PPM1L: variants seen among roughly 807,000 people sequenced by gnomAD.
The protein encoded by PPM1L is protein phosphatase 1L.
A neutral mutation model predicts 31.4 loss-of-function variants in PPM1L; 13 were observed. The ratio of observed to expected loss-of-function variants is 0.41; its 90% CI spans 0.27 to 0.66. The LOEUF (loss-of-function observed/expected upper bound fraction) is 0.66. PPM1L is among the 30% of genes least tolerant of loss of function. The pLI is 0.29. For synonymous variants in PPM1L, 184 were observed against 175.4 expected, an observed-to-expected ratio of 1.05 and a Z score of -0.39; for missense variants, 326 against 453.7, an observed-to-expected ratio of 0.72 and a Z score of 2.56.
intron 2 of PPM1L, among the ~76,000 whole-genome samples, chr3:160,970,814 C>T (rs1234776808): frequency 4.9e-5 from 2 of 40,762 alleles, no homozygotes; most frequent in African/African-American, 8.3e-5. Context: ...TTTTTTGAGA[C>T]GGAGTCTCGC....
intron 1 of PPM1L, among the ~76,000 whole-genome samples, chr3:160,768,132 G>T (rs1715159891): frequency 6.6e-6 from 1 of 152,070 alleles, no homozygotes; most frequent in South Asian, 2.1e-4. Flanking sequence ...TTTTACTTCT[G>T]GTTTATTTGA....
chr3:160,823,103 A>G (rs1014597370), intron 1 of PPM1L, among the ~76,000 whole-genome samples: 3 of 152,032 alleles, frequency 2.0e-5, no homozygotes, highest in African/African-American at 7.2e-5. Flanking sequence ...TACATAAATT[A>G]TTATGCATAA....
chr3:160,975,087 G>A lies in PPM1L; in HGVS notation c.574+13177G>A, dbSNP rs62280335. Among the ~76,000 whole-genome samples the A allele has an allele frequency of 5.4e-3, 817 of 151,132 alleles. 7 individuals are homozygous for A. Among genetic ancestry groups the A allele is most frequent in the Non-Finnish European group, 8.2e-3 (551 of 67,604 alleles). ...AAGGGATCCAGTTTCAGCTTTCTAC[G>A]TATGGCTAGCCAGTTTTCCCAGCAC... On this transcript the variant is annotated intron_variant, in intron 2 of 3. Transcript: ENST00000498165.
At chr3:160,970,787 ATT>A (rs71628437) in intron 2 of PPM1L, among the ~76,000 whole-genome samples, 4 of 97,186 alleles carry the variant, frequency 4.1e-5, no homozygotes, top group South Asian at 3.2e-4. Flanking sequence ...TTCAGTTATA[ATT>A]TTTTTTTTTT....
At chr3:160,854,435 G>C (rs1158878467) in intron 1 of PPM1L, among the ~76,000 whole-genome samples, 2 of 152,156 alleles carry the variant, frequency 1.3e-5, no homozygotes, top group African/African-American at 2.4e-5. Flanking sequence ...GAACAGTGAA[G>C]GATAAGGGTG....
chr3:161,059,800 T>A (rs1559940658), intron 2 of PPM1L, among the ~76,000 whole-genome samples: 1 of 152,040 alleles, frequency 6.6e-6, no homozygotes, highest in African/African-American at 2.4e-5. Context: ...AGTGAGTTCT[T>A]GTGAGATCTG....
rs533558682 is a variant in PPM1L, at chr3:160,862,803, A to G, written c.400-98933A>G. On this transcript the variant is annotated intron_variant, in intron 1 of 3. Coordinates refer to ENST00000498165, the MANE Select transcript of PPM1L (RefSeq NM_139245.4). ...TCATATTTAGGAGAGTAGGGGGGAA[A>G]AAAGCTTTAATAAAGTGGCAGCAGA... is the stretch of plus-strand genomic sequence containing the variant. Among the ~76,000 whole-genome samples the G allele has an allele frequency of 2.0e-5, 3 of 152,256 alleles. No homozygotes were observed. The South Asian group carries it at 6.2e-4, about 32-fold the overall frequency.
chr3:160,846,833 C>T (rs1714092145), intron 1 of PPM1L, among the ~76,000 whole-genome samples: 1 of 152,052 alleles, frequency 6.6e-6, no homozygotes, highest in African/African-American at 2.4e-5. Context: ...CTATCTAATT[C>T]TACATTGTTA....
chr3:160,933,445 G>A (rs751720299), intron 1 of PPM1L, among the ~76,000 whole-genome samples: 25 of 152,162 alleles, frequency 1.6e-4, no homozygotes, highest in Admixed American at 5.9e-4. Context: ...CTGATGATAA[G>A]TGGTATAAAA....
chr3:161,026,363 A>C (rs1718387678), intron 2 of PPM1L, among the ~76,000 whole-genome samples: 1 of 152,222 alleles, frequency 6.6e-6, no homozygotes, highest in African/African-American at 2.4e-5. Flanking sequence ...AAGACCTCTC[A>C]GAAGAGGTAA....
chr3:160,913,336 G>A (rs1043585298), intron 1 of PPM1L, among the ~76,000 whole-genome samples: 58 of 152,208 alleles, frequency 3.8e-4, no homozygotes, highest in African/African-American at 1.3e-3. Context: ...GTCAGAGGTC[G>A]AAGAAAATCT....
intron 1 of PPM1L, among the ~76,000 whole-genome samples, chr3:160,919,598 T>C (rs1313574155): frequency 2.6e-5 from 4 of 152,088 alleles, no homozygotes; most frequent in African/African-American, 9.7e-5. Flanking sequence ...ACGCGTAGCT[T>C]TTTTGTTAGT....
intron 1 of PPM1L, among the ~76,000 whole-genome samples, chr3:160,820,540 C>G (rs571325001): frequency 6.6e-6 from 1 of 152,030 alleles, no homozygotes; most frequent in Non-Finnish European, 1.5e-5. Flanking sequence ...AAATATGCTG[C>G]TTCTCACTTT....
At chr3:160,867,324 G>A (rs867910976) in intron 1 of PPM1L, among the ~76,000 whole-genome samples, 3 of 107,220 alleles carry the variant, frequency 2.8e-5, no homozygotes, top group Non-Finnish European at 6.2e-5. Context: ...TGAGTTCCAT[G>A]TTCTTTTTTT....
chr3:160,789,847 A>C (rs887059764), intron 1 of PPM1L, among the ~76,000 whole-genome samples: 1 of 151,982 alleles, frequency 6.6e-6, no homozygotes, highest in Non-Finnish European at 1.5e-5. Context: ...TATCTGCAGG[A>C]GATTGGTTCC....
At chr3:160,892,166 T>C (rs1713175256) in intron 1 of PPM1L, among the ~76,000 whole-genome samples, 1 of 152,038 alleles carries the variant, frequency 6.6e-6, no homozygotes, top group Non-Finnish European at 1.5e-5. Context: ...TATATGAGGC[T>C]GGATAATTTA....
chr3:161,075,889 TCTC>T lies in PPM1L; in HGVS notation c.*6736_*6738del, dbSNP rs752587984. ...GGATACATGAGATCTCATTTATTGC[TCTC>T]CTCAACACCTTTACTGTCCCAGATT... On this transcript the variant is annotated 3_prime_UTR_variant, in exon 4 of 4. Coordinates refer to ENST00000498165, the MANE Select transcript of PPM1L (RefSeq NM_139245.4). 3.9e-5 allele frequency: 6 copies of T among 152,196 alleles called. No homozygotes were observed. The highest frequency in any genetic ancestry group is 6.5e-5 in the Admixed American group (1 of 15,274). The allele number at this position is 152,196 out of a possible 1,614,324, so 9.4% of individuals were successfully genotyped here. A position where few individuals can be genotyped will look rare whatever the true frequency, so the allele number is the denominator to read the frequency against.
At chr3:160,851,300 A>G (rs1194346165) in intron 1 of PPM1L, among the ~76,000 whole-genome samples, 3 of 152,282 alleles carry the variant, frequency 2.0e-5, no homozygotes, top group South Asian at 4.2e-4. Flanking sequence ...TTGATTGTCT[A>G]TCACCTAGGG....
chr3:160,832,064 C>T (rs975199641), intron 1 of PPM1L, among the ~76,000 whole-genome samples: 3 of 152,078 alleles, frequency 2.0e-5, no homozygotes, highest in Admixed American at 6.5e-5. Context: ...ATACCATCTA[C>T]GTGGTAGGCT....
Sources: gnomAD v4.1 joint callset for allele counts (sites outside exome capture counted in the v4.1 genomes callset) on GRCh38, gnomAD v4.1.1 for gene constraint, MANE v1.5 for transcripts, NCBI Gene and HGNC (gene_info 2026-07-23, HGNC 2026-07-21) for gene names.